Variants in C1orf105 observed in about 807,000 individuals in gnomAD.
The protein encoded by C1orf105 is chromosome 1 open reading frame 105, also known as uncharacterized protein C1orf105.
A neutral mutation model predicts 20.8 loss-of-function variants in C1orf105; 17 were observed. The observed-to-expected ratio is 0.82, with a 90% CI of 0.56 to 1.23. The LOEUF is 1.23. C1orf105 is among the 50% of genes most tolerant of loss of function. The pLI is 0.00. For synonymous variants in C1orf105, 72 were observed against 72.1 expected (o/e 1.00, Z 0.01); for missense variants, 219 against 213.5 (o/e 1.03, Z -0.16).
chr1:172,433,823 G>A (rs1417488153), intron 1 of C1orf105, among the ~76,000 whole-genome samples: 1 of 152,158 alleles, frequency 6.6e-6, no homozygotes. Flanking sequence ...TGGATAAAGA[G>A]TCAAGACCCA....
intron 1 of C1orf105, chr1:172,441,859 G>A: frequency 6.2e-7 from 1 of 1,614,126 alleles, no homozygotes; most frequent in Non-Finnish European, 8.5e-7. Flanking sequence ...CAGCAGAAGG[G>A]CAAAGAGTAC....
At chr1:172,465,772 C>G in intron 6 of C1orf105, 1 of 426,136 alleles carries the variant, frequency 2.3e-6, no homozygotes, top group African/African-American at 2.0e-5. Context: ...TTCACTCCAC[C>G]AGCTCCCTAA....
intron 1 of C1orf105, among the ~76,000 whole-genome samples, chr1:172,424,485 G>A (rs1317695402): frequency 1.3e-5 from 2 of 152,176 alleles, no homozygotes; most frequent in Non-Finnish European, 2.9e-5. Flanking sequence ...CTGCCTCCCG[G>A]GTTCGAGAGA....
intron 5 of C1orf105, among the ~76,000 whole-genome samples, chr1:172,464,973 A>G (rs1649935426): frequency 6.6e-6 from 1 of 152,124 alleles, no homozygotes; most frequent in Admixed American, 6.5e-5. Context: ...ACCTGCAGTC[A>G]GGAGTTTTAG....
chr1:172,441,721 G>A (rs374203707), intron 1 of C1orf105: 7 of 1,530,170 alleles, frequency 4.6e-6, no homozygotes, highest in Non-Finnish European at 6.1e-6. Context: ...TGTAATGGAT[G>A]TCCTAATTTA....
At chr1:172,460,292 A>G (rs1649596612) in intron 4 of C1orf105, among the ~76,000 whole-genome samples, 1 of 152,184 alleles carries the variant, frequency 6.6e-6, no homozygotes, top group African/African-American at 2.4e-5. Context: ...TTATGTAACT[A>G]CTCATATTCC....
intron 1 of C1orf105, among the ~76,000 whole-genome samples, chr1:172,424,692 C>A (rs1251087426): frequency 6.6e-6 from 1 of 152,154 alleles, no homozygotes; most frequent in Admixed American, 6.5e-5. Flanking sequence ...TGCCCGGCCT[C>A]CTTGTTCTTA....
At chr1:172,462,783 T>A (rs963160142) in intron 5 of C1orf105, among the ~76,000 whole-genome samples, 1 of 152,182 alleles carries the variant, frequency 6.6e-6, no homozygotes, top group Non-Finnish European at 1.5e-5. Context: ...GTTTGGTTTT[T>A]TCTTTTTGAG....
chr1:172,441,495 A>G, intron 1 of C1orf105: 2 of 388,002 alleles, frequency 5.2e-6, no homozygotes, highest in Non-Finnish European at 9.2e-6. Context: ...ACATCACTTC[A>G]TATGTTACAG....
At chr1:172,442,119 G>A (rs1257531928) in intron 1 of C1orf105, 2 of 1,614,062 alleles carry the variant, frequency 1.2e-6, no homozygotes, top group African/African-American at 1.3e-5. Flanking sequence ...TGGCAGCATT[G>A]GCACCATAGT....
At chr1:172,464,065 T>C (rs1478184191) in intron 5 of C1orf105, among the ~76,000 whole-genome samples, 1 of 152,224 alleles carries the variant, frequency 6.6e-6, no homozygotes, top group Non-Finnish European at 1.5e-5. Flanking sequence ...AATTGTGGTT[T>C]TTTAAAAAGT....
At chr1:172,455,860 T>C (rs1483500071) in intron 3 of C1orf105, among the ~76,000 whole-genome samples, 1 of 152,036 alleles carries the variant, frequency 6.6e-6, no homozygotes, top group Non-Finnish European at 1.5e-5. Context: ...GGCCAAATGG[T>C]GCTGGACCAT....
At chr1:172,441,768 T>C in intron 1 of C1orf105, 3 of 1,576,420 alleles carry the variant, frequency 1.9e-6, no homozygotes, top group Non-Finnish European at 2.6e-6. Context: ...TGATTTCAGC[T>C]TCATCCCAAG....
chr1:172,428,525 GT>G (rs1447386669), intron 1 of C1orf105, among the ~76,000 whole-genome samples: 1 of 151,926 alleles, frequency 6.6e-6, no homozygotes, highest in African/African-American at 2.4e-5. Context: ...CTGCCCAAAG[GT>G]TTTGTAGCAG....
chr1:172,442,038 C>G, intron 1 of C1orf105: 1 of 1,614,168 alleles, frequency 6.2e-7, no homozygotes, highest in East Asian at 2.2e-5. Flanking sequence ...CATGCAGGGA[C>G]CGGGGAAGAC....
Position 172,456,838 on chromosome 1 carries a change from C to T in C1orf105, c.273+349C>T, listed in dbSNP as rs147922216. Among the ~76,000 whole-genome samples the T allele has an allele frequency of 8.7e-3, 1,332 of 152,256 alleles. 15 individuals are homozygous for T. The highest frequency in any genetic ancestry group is 0.03 in the African/African-American group (1,257 of 41,548). ...GTAGCCCCCACACAACACATAGGCT[C>T]ACACTCATTTCTCCACCGTTACAAT... On this transcript the variant is annotated intron_variant, in intron 4 of 6. Coordinates refer to ENST00000367727, the MANE Select transcript of C1orf105 (RefSeq NM_139240.4).
chr1:172,459,630 G>A (rs1032031669), intron 4 of C1orf105, among the ~76,000 whole-genome samples: 2 of 152,088 alleles, frequency 1.3e-5, no homozygotes, highest in Admixed American at 6.6e-5. Context: ...AGTTGCTTTG[G>A]AAAACAGTTT....
intron 1 of C1orf105, among the ~76,000 whole-genome samples, chr1:172,421,891 A>G (rs1347055892): frequency 2.0e-5 from 3 of 152,090 alleles, no homozygotes; most frequent in Non-Finnish European, 2.9e-5. Context: ...CAGTGCTGCC[A>G]ATACGGGGCA....
At chr1:172,429,170 T>C (rs776918515) in intron 1 of C1orf105, among the ~76,000 whole-genome samples, 1 of 152,050 alleles carries the variant, frequency 6.6e-6, no homozygotes, top group Non-Finnish European at 1.5e-5. Context: ...GTCTCAACTG[T>C]GAAATGGAAA....
Sources: gnomAD v4.1 joint callset for allele counts (sites outside exome capture counted in the v4.1 genomes callset) on GRCh38, gnomAD v4.1.1 for gene constraint, MANE v1.5 for transcripts, NCBI Gene and HGNC (gene_info 2026-07-23, HGNC 2026-07-21) for gene names.